Variants in CSMD1 observed in about 807,000 individuals in gnomAD.
CSMD1 encodes the protein CUB and Sushi multiple domains 1.
CSMD1 carries 213 observed loss-of-function variants against 417.5 expected under a neutral mutation model. The ratio of observed to expected loss-of-function variants is 0.51; its 90% CI spans 0.46 to 0.57. The LOEUF is 0.57. Among genes scored for constraint, CSMD1 ranks in the 20% least tolerant of loss-of-function variants. CSMD1 has a pLI of 0.00. For missense variants in CSMD1, 6,923 were observed against 4,529.7 expected, an observed-to-expected ratio of 1.53 and a Z score of -15.17; for synonymous variants, 2,862 against 1,736.8, an observed-to-expected ratio of 1.65 and a Z score of -16.11.
intron 2 of CSMD1, among the ~76,000 whole-genome samples, chr8:4,536,511 C>A (rs1201518712): frequency 6.6e-6 from 1 of 152,162 alleles, no homozygotes; most frequent in South Asian, 2.1e-4. Flanking sequence ...CTTAACAAAT[C>A]TCACATGTCA....
rs575814632 is a variant in CSMD1 at position 4,270,734 on chromosome 8, G to A, written c.415+149219C>T. ...TTTGTAATGTGAAAATAGAAATATT[G>A]TGTTTGAGGACAGTGCTACTCATCA... is the stretch of plus-strand genomic sequence containing the variant. On this transcript the variant is annotated intron_variant, in intron 3 of 69. Coordinates refer to ENST00000635120, the MANE Select transcript of CSMD1 (RefSeq NM_033225.6). Among the ~76,000 whole-genome samples, 4 of 152,222 alleles carry A rather than the reference G, an allele frequency of 2.6e-5. 1 individual carries two copies. The highest frequency in any genetic ancestry group is 9.6e-5 in the African/African-American group (4 of 41,536).
At chr8:4,593,535 T>C (rs1800096932) in intron 2 of CSMD1, among the ~76,000 whole-genome samples, 1 of 152,160 alleles carries the variant, frequency 6.6e-6, no homozygotes, top group African/African-American at 2.4e-5. Context: ...GCCCATAAAG[T>C]GACTATTTGT....
intron 37 of CSMD1, among the ~76,000 whole-genome samples, chr8:3,172,231 C>T (rs751691533): frequency 4.4e-4 from 67 of 152,162 alleles, no homozygotes; most frequent in Non-Finnish European, 9.0e-4. Context: ...CTGCTCACAG[C>T]CCTTCCTTGT....
chr8:4,572,785 G>C (rs752331633), intron 2 of CSMD1, among the ~76,000 whole-genome samples: 1 of 152,130 alleles, frequency 6.6e-6, no homozygotes, highest in African/African-American at 2.4e-5. Context: ...TTTTCACACA[G>C]TCCCATATTT....
chr8:3,220,704 A>C (rs1256771838), intron 28 of CSMD1, among the ~76,000 whole-genome samples: 1 of 152,074 alleles, frequency 6.6e-6, no homozygotes, highest in African/African-American at 2.4e-5. Context: ...GGTGTCGTGC[A>C]CCTGTAGTCC....
chr8:4,385,437 C>G (rs889269985), intron 3 of CSMD1, among the ~76,000 whole-genome samples: 4 of 152,150 alleles, frequency 2.6e-5, no homozygotes, highest in African/African-American at 7.2e-5. Context: ...TCACTTAGTA[C>G]ATGTTTCTTT....
chr8:4,965,899 A>G (rs937799544), intron 1 of CSMD1, among the ~76,000 whole-genome samples: 1 of 152,196 alleles, frequency 6.6e-6, no homozygotes, highest in Non-Finnish European at 1.5e-5. Flanking sequence ...GTAGAGAAAG[A>G]TAACTTGAAG....
chr8:3,081,198 T>C lies in CSMD1; in HGVS notation c.7474+5899A>G, dbSNP rs542071875. On this transcript the variant is annotated intron_variant, in intron 49 of 69. Transcript: ENST00000635120. The stretch of plus-strand genomic sequence containing the variant: ...CGTGCCAGGTTTGATCTTGCTCATT[T>C]ACTAAAAGGTACCTGTTGCATTTTA... Among the ~76,000 whole-genome samples, 7 of 152,354 alleles carry C rather than the reference T, an allele frequency of 4.6e-5. No homozygotes were observed. In the East Asian group the frequency reaches 9.6e-4, roughly 21 times the overall value.
chr8:4,734,234 T>G (rs553159088), intron 1 of CSMD1, among the ~76,000 whole-genome samples: 1 of 152,206 alleles, frequency 6.6e-6, no homozygotes, highest in African/African-American at 2.4e-5. Flanking sequence ...GTGTTTTGAT[T>G]TTCTAGCTTT....
intron 5 of CSMD1, among the ~76,000 whole-genome samples, chr8:3,991,489 G>A (rs1485098677): frequency 1.3e-5 from 2 of 152,132 alleles, no homozygotes; most frequent in African/African-American, 4.8e-5. Flanking sequence ...CTATCATTAT[G>A]TTATACCCAG....
At chr8:3,659,039 C>G (rs748042936) in intron 7 of CSMD1, among the ~76,000 whole-genome samples, 1 of 152,114 alleles carries the variant, frequency 6.6e-6, no homozygotes, top group South Asian at 2.1e-4. Flanking sequence ...TTAATTAACA[C>G]GGCGCCATTG....
chr8:3,354,554 C>G (rs1182857947), intron 21 of CSMD1, among the ~76,000 whole-genome samples: 2 of 151,992 alleles, frequency 1.3e-5, no homozygotes, highest in East Asian at 3.9e-4. Context: ...CTATATTAAT[C>G]AAAATATGCA....
At chr8:4,184,025 G>C (rs1798527389) in intron 3 of CSMD1, among the ~76,000 whole-genome samples, 1 of 152,156 alleles carries the variant, frequency 6.6e-6, no homozygotes, top group South Asian at 2.1e-4. Context: ...GTTAATGTTT[G>C]CTGATAATGA....
chr8:3,954,428 G>C (rs1241738196), intron 5 of CSMD1, among the ~76,000 whole-genome samples: 3 of 152,078 alleles, frequency 2.0e-5, no homozygotes, highest in Admixed American at 6.6e-5. Context: ...AGTGGCGGTG[G>C]TGATCTCAGC....
chr8:3,449,198 T>TAAA (rs1815524102), intron 12 of CSMD1, among the ~76,000 whole-genome samples: 1 of 152,210 alleles, frequency 6.6e-6, no homozygotes, highest in African/African-American at 2.4e-5. Flanking sequence ...CTTAAATTAT[T>TAAA]TGCATCAAAA....
chr8:3,274,475 G>T (rs1459533084), intron 26 of CSMD1, among the ~76,000 whole-genome samples: 10 of 152,020 alleles, frequency 6.6e-5, no homozygotes, highest in Non-Finnish European at 1.0e-4. Context: ...TAAGTTCCTG[G>T]GTATGCTTGT....
At chr8:4,867,125 A>G (rs1177101248) in intron 1 of CSMD1, among the ~76,000 whole-genome samples, 2 of 152,030 alleles carry the variant, frequency 1.3e-5, no homozygotes, top group Non-Finnish European at 1.5e-5. Context: ...AACTTCATGA[A>G]CTACACACAT....
chr8:3,016,470 A>T (rs1409415367), intron 52 of CSMD1, among the ~76,000 whole-genome samples: 1 of 152,192 alleles, frequency 6.6e-6, no homozygotes, highest in African/African-American at 2.4e-5. Context: ...GTCTTTGATA[A>T]AGGAATATGC....
intron 6 of CSMD1, among the ~76,000 whole-genome samples, chr8:3,713,274 T>G (rs1158428517): frequency 1.3e-5 from 2 of 152,196 alleles, no homozygotes; most frequent in African/African-American, 4.8e-5. Flanking sequence ...AGTGGTTAGG[T>G]TAAAACTCAC....
Sources: allele counts gnomAD v4.1 joint callset (sites outside exome capture counted in the v4.1 genomes callset), GRCh38; gene constraint gnomAD v4.1.1; transcripts MANE v1.5; gene names NCBI Gene and HGNC (gene_info 2026-07-23, HGNC 2026-07-21).